Variants in JMY observed in about 807,000 individuals in gnomAD.
The protein encoded by JMY is junction-mediating and -regulatory protein.
A neutral mutation model predicts 103.3 loss-of-function variants in JMY; 46 were observed. That is an observed-to-expected ratio of 0.45 (90% CI 0.35 to 0.57). The LOEUF (loss-of-function observed/expected upper bound fraction) is 0.57. JMY is among the 20% of genes least tolerant of loss of function. The probability of loss-of-function intolerance (pLI) is 0.00; values close to 1 mark genes in which losing one functional copy is unlikely to be tolerated. For synonymous variants in JMY, 526 were observed against 489.3 expected (o/e 1.07, Z -0.99); for missense variants, 1,238 against 1,255.2 (o/e 0.99, Z 0.21).
At chr5:79,317,649 GTAAAGGAA>G (rs1747280564) in intron 10 of JMY, among the ~76,000 whole-genome samples, 1 of 152,196 alleles carries the variant, frequency 6.6e-6, no homozygotes, top group African/African-American at 2.4e-5. Context: ...AAGGGAATAA[GTAAAGGAA>G]TAATTAATTC....
intron 1 of JMY, among the ~76,000 whole-genome samples, chr5:79,254,617 C>A (rs1273859022): frequency 6.6e-6 from 1 of 151,928 alleles, no homozygotes; most frequent in Non-Finnish European, 1.5e-5. Flanking sequence ...TTATTAAATG[C>A]CTTGTAGTCT....
At position 79,317,274 on chromosome 5, in the gene JMY, A is replaced by C. The variant is rs116763717; in HGVS notation, c.*3+964A>C. On this transcript the variant is annotated intron_variant, in intron 10 of 10. Transcript: ENST00000396137. ...TACTGTATTATCTAGACAAATTTGC[A>C]GGTATCATTAATATATAAAAATTAT... 5.4e-3 allele frequency among the ~76,000 whole-genome samples: 828 copies of C among 152,282 alleles called. 1 individual carries two copies. The highest frequency in any genetic ancestry group is 8.4e-3 in the Admixed American group (129 of 15,292).
intron 1 of JMY, among the ~76,000 whole-genome samples, chr5:79,249,681 T>G (rs1745015774): frequency 6.6e-6 from 1 of 152,234 alleles, no homozygotes; most frequent in Non-Finnish European, 1.5e-5. Context: ...TTGAGTAATG[T>G]TTTTCTCTTT....
intron 1 of JMY, among the ~76,000 whole-genome samples, chr5:79,253,923 C>T (rs1035090922): frequency 1.1e-4 from 17 of 151,474 alleles, no homozygotes; most frequent in African/African-American, 3.9e-4. Context: ...CATCCTGTCC[C>T]CTGAAAGTGC....
chr5:79,270,301 T>C (rs1314410580), intron 1 of JMY, among the ~76,000 whole-genome samples: 2 of 144,808 alleles, frequency 1.4e-5, no homozygotes, highest in East Asian at 3.9e-4. Flanking sequence ...TATATTTACA[T>C]AAATATTTAA....
At chr5:79,289,032 C>T (rs900035080) in intron 2 of JMY, among the ~76,000 whole-genome samples, 5 of 151,568 alleles carry the variant, frequency 3.3e-5, no homozygotes, top group Admixed American at 6.6e-5. Context: ...GTCAGGAGTT[C>T]GAGACCAGGC....
At chr5:79,278,585 C>CAAAAAAAAAAAAA (rs34278536) in intron 2 of JMY, among the ~76,000 whole-genome samples, 2 of 57,300 alleles carry the variant, frequency 3.5e-5, no homozygotes, top group Non-Finnish European at 5.9e-5. Context: ...CCCGTCTCTA[C>CAAAAAAAAAAAAA]AAAAAAAAAA....
intron 10 of JMY, among the ~76,000 whole-genome samples, chr5:79,316,933 G>A (rs1337509637): frequency 2.0e-5 from 3 of 148,888 alleles, no homozygotes; most frequent in Non-Finnish European, 4.4e-5. Context: ...GGCTTTCCAG[G>A]TTCAGTGGTT....
intron 10 of JMY, among the ~76,000 whole-genome samples, chr5:79,317,380 G>A (rs1356677519): frequency 6.6e-6 from 1 of 152,028 alleles, no homozygotes; most frequent in African/African-American, 2.4e-5. Flanking sequence ...ATAATAGAGA[G>A]CTATAGTCTA....
At chr5:79,239,453 T>A (rs982547427) in intron 1 of JMY, among the ~76,000 whole-genome samples, 1 of 152,202 alleles carries the variant, frequency 6.6e-6, no homozygotes, top group Non-Finnish European at 1.5e-5. Flanking sequence ...AAAATACATA[T>A]TCTTAAAAAT....
At chr5:79,280,866 T>A (rs1580351873) in intron 2 of JMY, among the ~76,000 whole-genome samples, 1 of 145,188 alleles carries the variant, frequency 6.9e-6, no homozygotes, top group Non-Finnish European at 1.5e-5. Context: ...TTTTTTTTTT[T>A]AACTGCATTA....
At chr5:79,262,335 A>G (rs1168441946) in intron 1 of JMY, among the ~76,000 whole-genome samples, 1 of 152,228 alleles carries the variant, frequency 6.6e-6, no homozygotes, top group Admixed American at 6.5e-5. Context: ...CATTATTTAT[A>G]GTACCTTACA....
intron 1 of JMY, among the ~76,000 whole-genome samples, chr5:79,261,543 C>T (rs1488668670): frequency 4.6e-5 from 7 of 151,990 alleles, no homozygotes; most frequent in African/African-American, 1.2e-4. Context: ...GGTGAAAAAG[C>T]GAGAGGCTGT....
rs1580358737 is a variant in JMY at position 79,291,201 on chromosome 5, A to G, written c.1429A>G (p.Met477Val). ...KASWAAAAER[M>V]EKLQYAVSKE... ...ATCATGGGCAGCGGCTGCTGAACGG[A>G]TGGAAAAACTCCAGTATGCAGTTTC... The change falls in exon 4 of 11, where the codon ATG (methionine) becomes GTG (valine). Residue 477 changes from methionine to valine, a missense_variant. Met to Val is a conservative substitution (Grantham distance 21). Transcript: ENST00000396137. 6.2e-7 allele frequency: 1 copy of G among 1,613,598 alleles called. No homozygotes were observed. The highest frequency in any genetic ancestry group is 8.5e-7 in the Non-Finnish European group (1 of 1,179,778).
Position 79,312,417 on chromosome 5 carries a change from A to C in JMY, c.1983A>C (p.Leu661Phe), listed in dbSNP as rs1747080646. 1 of 1,569,980 alleles carries C rather than the reference A, an allele frequency of 6.4e-7. No individual in the cohort carries two copies. Among genetic ancestry groups the C allele is most frequent in the African/African-American group, 1.4e-5 (1 of 72,488 alleles). Reference sequence around the variant, plus strand: ...TTTTTTACCAGAAGAGAGAAAAATTACATGATGAAGAAGAAAGAAAAAGTG... The same window carrying C: ...TTTTTTACCAGAAGAGAGAAAAATTCCATGATGAAGAAGAAAGAAAAAGTG... ...HHTVQLKREKLHDEEERKSAW... is the reference protein window; with the variant it reads ...HHTVQLKREKFHDEEERKSAW... The change falls in exon 8 of 11, where the codon TTA becomes TTC. Residue 661 changes from leucine (L) to phenylalanine (F), a missense_variant. Transcript: ENST00000396137.
At chr5:79,297,846 C>T (rs1206994461) in intron 4 of JMY, among the ~76,000 whole-genome samples, 1 of 152,088 alleles carries the variant, frequency 6.6e-6, no homozygotes, top group Non-Finnish European at 1.5e-5. Context: ...ATAGAACTCA[C>T]CGAACCAAAA....
At chr5:79,254,909 G>T (rs1745194306) in intron 1 of JMY, among the ~76,000 whole-genome samples, 1 of 150,762 alleles carries the variant, frequency 6.6e-6, no homozygotes, top group African/African-American at 2.4e-5. Context: ...TGCTTGATCA[G>T]TTCTGTCATT....
intron 1 of JMY, among the ~76,000 whole-genome samples, chr5:79,261,827 G>T (rs1418153621): frequency 6.6e-6 from 1 of 152,044 alleles, no homozygotes; most frequent in Non-Finnish European, 1.5e-5. Context: ...GTTTCACCAT[G>T]TTGGCCAAGC....
chr5:79,311,901 C>G (rs1311090839), intron 7 of JMY, among the ~76,000 whole-genome samples: 1 of 152,166 alleles, frequency 6.6e-6, no homozygotes, highest in Non-Finnish European at 1.5e-5. Flanking sequence ...ACTGCAACCT[C>G]TGCCTCCCAG....
Sources: allele counts gnomAD v4.1 joint callset (sites outside exome capture counted in the v4.1 genomes callset), GRCh38; gene constraint gnomAD v4.1.1; transcripts MANE v1.5; gene names NCBI Gene and HGNC (gene_info 2026-07-23, HGNC 2026-07-21).